CCDC60: variants seen among roughly 807,000 people sequenced by gnomAD.
The protein encoded by CCDC60 is coiled-coil domain-containing protein 60.
A neutral mutation model predicts 63.5 loss-of-function variants in CCDC60; 54 were observed. That is an observed-to-expected ratio of 0.85 (90% CI 0.68 to 1.07). The LOEUF (loss-of-function observed/expected upper bound fraction) is 1.07, where lower values mean the gene tolerates loss of function less well. Among genes scored for constraint, CCDC60 ranks in the 50% least tolerant of loss-of-function variants. The probability of loss-of-function intolerance (pLI) is 0.00; values close to 1 mark genes in which losing one functional copy is unlikely to be tolerated. For missense variants in CCDC60, 651 were observed against 684.3 expected (o/e 0.95, Z 0.54); for synonymous variants, 206 against 238.8 (o/e 0.86, Z 1.27).
chr12:119,376,730 TAGGCTCCTA>T (rs2136181317), intron 1 of CCDC60, among the ~76,000 whole-genome samples: 1 of 152,282 alleles, frequency 6.6e-6, no homozygotes, highest in African/African-American at 2.4e-5. Context: ...AAACCTCCCT[TAGGCTCCTA>T]TATCCTTTAA....
chr12:119,421,979 C>G (rs1398450188), intron 1 of CCDC60, among the ~76,000 whole-genome samples: 1 of 152,206 alleles, frequency 6.6e-6, no homozygotes, highest in Non-Finnish European at 1.5e-5. Context: ...CCATCCCTCC[C>G]AGAACCCCAC....
At chr12:119,529,962 C>T (rs1038880693) in intron 12 of CCDC60, among the ~76,000 whole-genome samples, 1 of 152,086 alleles carries the variant, frequency 6.6e-6, no homozygotes, top group Admixed American at 6.5e-5. Context: ...ACCACAGCGT[C>T]GTAAGGATGA....
intron 1 of CCDC60, among the ~76,000 whole-genome samples, chr12:119,368,437 C>T (rs111430512): frequency 7.0e-4 from 107 of 152,250 alleles, no homozygotes; most frequent in African/African-American, 2.1e-3. Flanking sequence ...ACACCGGACC[C>T]GCCATTAACT....
intron 2 of CCDC60, among the ~76,000 whole-genome samples, chr12:119,463,651 A>C (rs1950899852): frequency 6.6e-6 from 1 of 152,260 alleles, no homozygotes; most frequent in African/African-American, 2.4e-5. Flanking sequence ...AAATCCCAAC[A>C]GTGCCGAGTT....
At chr12:119,523,585 T>C in intron 10 of CCDC60, 108 bp from the exon 11 acceptor site, 3 of 1,477,400 alleles carry the variant, frequency 2.0e-6, no homozygotes, top group East Asian at 2.3e-5. Flanking sequence ...CTACAGGGAG[T>C]CCCCCATGCA....
chr12:119,506,847 T>C (rs1313315607), intron 7 of CCDC60, among the ~76,000 whole-genome samples: 1 of 151,856 alleles, frequency 6.6e-6, no homozygotes, highest in Non-Finnish European at 1.5e-5. Flanking sequence ...TGAGCTTGTA[T>C]AGTAAAAGGA....
intron 2 of CCDC60, among the ~76,000 whole-genome samples, chr12:119,443,251 T>C (rs771682601): frequency 6.6e-6 from 1 of 152,250 alleles, no homozygotes; most frequent in Non-Finnish European, 1.5e-5. Context: ...CTCCAATCTA[T>C]TTGCCTTTTT....
intron 1 of CCDC60, among the ~76,000 whole-genome samples, chr12:119,345,146 A>G (rs1955577734): frequency 6.6e-6 from 1 of 152,144 alleles, no homozygotes; most frequent in African/African-American, 2.4e-5. Context: ...TAGATGAGTA[A>G]GCTCTTTCTA....
chr12:119,382,988 T>C (rs1956023823), intron 1 of CCDC60, among the ~76,000 whole-genome samples: 1 of 152,216 alleles, frequency 6.6e-6, no homozygotes, highest in Non-Finnish European at 1.5e-5. Flanking sequence ...GCTTGCCTGT[T>C]AGCCATGTTC....
At chr12:119,374,687 G>GT (rs5801338) in intron 1 of CCDC60, among the ~76,000 whole-genome samples, 32,069 of 152,140 alleles carry the variant, frequency 0.21, 4,148 homozygotes, top group Middle Eastern at 0.32. Flanking sequence ...GCAGAGCAGT[G>GT]GCATGGGCTG....
At chr12:119,351,322 G>T (rs1297907522) in intron 1 of CCDC60, among the ~76,000 whole-genome samples, 1 of 152,102 alleles carries the variant, frequency 6.6e-6, no homozygotes, top group African/African-American at 2.4e-5. Flanking sequence ...CTTTCACTTG[G>T]TGTCTGATGC....
At chr12:119,460,427 T>G (rs960166313) in intron 2 of CCDC60, among the ~76,000 whole-genome samples, 1 of 152,358 alleles carries the variant, frequency 6.6e-6, no homozygotes, top group African/African-American at 2.4e-5. Context: ...AATTGACATG[T>G]GTTTTTGTGT....
chr12:119,461,232 C>A (rs1380418797), intron 2 of CCDC60, among the ~76,000 whole-genome samples: 1 of 152,086 alleles, frequency 6.6e-6, no homozygotes, highest in Non-Finnish European at 1.5e-5. Flanking sequence ...AACTCATTAT[C>A]TTTACTGTCT....
At chr12:119,521,720 T>C (rs749119337) in intron 9 of CCDC60, among the ~76,000 whole-genome samples, 2 of 152,144 alleles carry the variant, frequency 1.3e-5, no homozygotes, top group Non-Finnish European at 2.9e-5. Flanking sequence ...CACTCCCTAA[T>C]AACACCACTT....
At chr12:119,411,499 T>TC (rs546893453) in intron 1 of CCDC60, among the ~76,000 whole-genome samples, 131 of 152,278 alleles carry the variant, frequency 8.6e-4, no homozygotes, top group African/African-American at 3.0e-3. Flanking sequence ...AGAGCGAGAC[T>TC]CCATCTCAAA....
At chr12:119,477,221 T>C (rs962585819) in intron 3 of CCDC60, among the ~76,000 whole-genome samples, 1 of 152,196 alleles carries the variant, frequency 6.6e-6, no homozygotes, top group Non-Finnish European at 1.5e-5. Context: ...AGGTTGCCAG[T>C]TCCTGGTGCC....
At chr12:119,360,010 G>A (rs1482344758) in intron 1 of CCDC60, among the ~76,000 whole-genome samples, 2 of 151,854 alleles carry the variant, frequency 1.3e-5, no homozygotes, top group Admixed American at 6.6e-5. Flanking sequence ...CCACAAAGCC[G>A]CCATTGTCAT....
chr12:119,471,142 G>A (rs1387291885), intron 2 of CCDC60, among the ~76,000 whole-genome samples: 1 of 152,262 alleles, frequency 6.6e-6, no homozygotes, highest in African/African-American at 2.4e-5. Context: ...GCAAAGCGCA[G>A]GGAGGTGTGT....
intron 2 of CCDC60, among the ~76,000 whole-genome samples, chr12:119,434,627 T>C (rs73406262): frequency 1.5e-3 from 228 of 152,318 alleles, no homozygotes; most frequent in African/African-American, 5.1e-3. Context: ...AAGGGAACCC[T>C]GGGCCCAATA....
Sources: gnomAD v4.1 joint callset for allele counts (sites outside exome capture counted in the v4.1 genomes callset) on GRCh38, gnomAD v4.1.1 for gene constraint, MANE v1.5 for transcripts, NCBI Gene and HGNC (gene_info 2026-07-23, HGNC 2026-07-21) for gene names.